Variants in MEF2A observed in about 807,000 individuals in gnomAD.
MEF2A encodes the protein myocyte enhancer factor 2A, also known as myocyte-specific enhancer factor 2A.
In MEF2A, 28 loss-of-function variants were observed where a neutral mutation model predicts 55.8. That is an observed-to-expected ratio of 0.50 (90% CI 0.37 to 0.69). The LOEUF (loss-of-function observed/expected upper bound fraction) is 0.69, where lower values mean the gene tolerates loss of function less well. MEF2A is among the 30% of genes least tolerant of loss of function. MEF2A has a pLI of 0.00. For missense variants in MEF2A, 528 were observed against 626.2 expected, an observed-to-expected ratio of 0.84 and a Z score of 1.67; for synonymous variants, 239 against 227.1, an observed-to-expected ratio of 1.05 and a Z score of -0.47.
At chr15:99,594,459 C>CTTTTT (rs67846200) in intron 1 of MEF2A, among the ~76,000 whole-genome samples, 3 of 124,372 alleles carry the variant, frequency 2.4e-5, no homozygotes, top group South Asian at 2.4e-4. Flanking sequence ...TCCTTTCTTT[C>CTTTTT]TTTTTTTTTT....
chr15:99,622,947 G>C (rs574529071), intron 2 of MEF2A, among the ~76,000 whole-genome samples: 1 of 151,786 alleles, frequency 6.6e-6, no homozygotes, highest in Non-Finnish European at 1.5e-5. Flanking sequence ...TGATCCACCC[G>C]CCTCGGCCTC....
intron 3 of MEF2A, among the ~76,000 whole-genome samples, chr15:99,642,521 GT>G (rs1567302631): frequency 1.3e-5 from 2 of 151,788 alleles, no homozygotes; most frequent in East Asian, 3.9e-4. Flanking sequence ...AAAAATCTCT[GT>G]TATGATTTGA....
intron 8 of MEF2A, among the ~76,000 whole-genome samples, chr15:99,702,444 T>G (rs1247475880): frequency 6.6e-6 from 1 of 151,390 alleles, no homozygotes; most frequent in African/African-American, 2.4e-5. Context: ...TTTTTTTTTT[T>G]TTGGACGGAG....
chr15:99,693,649 C>T (rs1255751783), intron 8 of MEF2A, among the ~76,000 whole-genome samples: 1 of 152,070 alleles, frequency 6.6e-6, no homozygotes, highest in East Asian at 1.9e-4. Flanking sequence ...AATTCTCTAC[C>T]CACCAAAAAT....
intron 4 of MEF2A, among the ~76,000 whole-genome samples, chr15:99,646,817 C>T (rs1478409499): frequency 6.6e-6 from 1 of 152,054 alleles, no homozygotes; most frequent in East Asian, 1.9e-4. Context: ...GTGATTGATA[C>T]CATTACTACA....
intron 4 of MEF2A, among the ~76,000 whole-genome samples, chr15:99,663,331 T>C (rs1441001487): frequency 2.0e-5 from 3 of 152,192 alleles, no homozygotes; most frequent in African/African-American, 7.2e-5. Flanking sequence ...TATAGTAATA[T>C]GCATTTGTGC....
chr15:99,688,438 G>A (rs1314255713), intron 7 of MEF2A, among the ~76,000 whole-genome samples: 1 of 152,082 alleles, frequency 6.6e-6, no homozygotes, highest in Non-Finnish European at 1.5e-5. Flanking sequence ...CCTCATTCTG[G>A]CCTTCTTCTG....
chr15:99,607,553 G>A (rs1387667127), intron 2 of MEF2A, among the ~76,000 whole-genome samples: 1 of 152,082 alleles, frequency 6.6e-6, no homozygotes, highest in African/African-American at 2.4e-5. Context: ...CTTTTTGTAT[G>A]ATTTAATTAT....
At chr15:99,633,827 T>C (rs1162301501) in intron 3 of MEF2A, among the ~76,000 whole-genome samples, 2 of 152,240 alleles carry the variant, frequency 1.3e-5, no homozygotes, top group Non-Finnish European at 2.9e-5. Flanking sequence ...GGGCTGGCCA[T>C]CTGTTATTGT....
At chr15:99,666,535 TAACA>T (rs1259938153) in intron 4 of MEF2A, among the ~76,000 whole-genome samples, 42 of 150,504 alleles carry the variant, frequency 2.8e-4, no homozygotes, top group Admixed American at 2.3e-3. Context: ...TATACCTGTG[TAACA>T]AACCTGCACG....
chr15:99,645,207 C>G (rs188911337), intron 3 of MEF2A, among the ~76,000 whole-genome samples: 2 of 152,264 alleles, frequency 1.3e-5, no homozygotes, highest in Admixed American at 6.5e-5. Flanking sequence ...CTGGCTGATG[C>G]TACATTACCT....
intron 1 of MEF2A, among the ~76,000 whole-genome samples, chr15:99,585,764 C>G (rs533079650): frequency 2.0e-5 from 3 of 152,184 alleles, no homozygotes; most frequent in Non-Finnish European, 4.4e-5. Flanking sequence ...GATGAGGAAA[C>G]AGACTCAAAC....
chr15:99,616,665 A>G lies in MEF2A; in HGVS notation c.-142-16313A>G, dbSNP rs115109641. Among the ~76,000 whole-genome samples, 746 of 151,942 alleles carry G rather than the reference A, an allele frequency of 4.9e-3. 5 individuals carry two copies. Among genetic ancestry groups the G allele is most frequent in the African/African-American group, 0.017 (696 of 41,524 alleles). The stretch of plus-strand genomic sequence containing the variant: ...TTTGCAGAGAGATTTAGTCTTAGGT[A>G]TATACTAAAATAAATATATATATAT... On this transcript the variant is annotated intron_variant, in intron 2 of 11. Coordinates refer to ENST00000557942, the MANE Select transcript of MEF2A (RefSeq NM_001319206.4).
chr15:99,683,756 A>G (rs1236640283), intron 7 of MEF2A, among the ~76,000 whole-genome samples: 1 of 151,672 alleles, frequency 6.6e-6, no homozygotes, highest in Non-Finnish European at 1.5e-5. Context: ...TTGGGGGAAC[A>G]AGTGGTGTTT....
Position 99,606,313 on chromosome 15 carries a change from A to T in MEF2A, c.-143+7802A>T, listed in dbSNP as rs373146498. 1.4e-4 allele frequency among the ~76,000 whole-genome samples: 22 copies of T among 152,304 alleles called. 1 individual carries two copies. Among genetic ancestry groups the T allele is most frequent in the Admixed American group, 5.2e-4 (8 of 15,298 alleles). On this transcript the variant is annotated intron_variant, in intron 2 of 11. Transcript: ENST00000557942. ...CTTTTGGAAGCTAATATAGATGAACAGGTTCATGCTCTTTGGCCAGGAAAA... is the reference window on the plus strand; with the variant it reads ...CTTTTGGAAGCTAATATAGATGAACTGGTTCATGCTCTTTGGCCAGGAAAA...
chr15:99,706,958 T>C, intron 10 of MEF2A, 103 bp downstream of exon 10: 2 of 1,324,844 alleles, frequency 1.5e-6, no homozygotes, highest in Middle Eastern at 1.9e-4. Flanking sequence ...AAATAAACTA[T>C]TTCCAGTTTT....
chr15:99,593,336 A>G (rs1370286568), intron 1 of MEF2A, among the ~76,000 whole-genome samples: 1 of 152,098 alleles, frequency 6.6e-6, no homozygotes, highest in Non-Finnish European at 1.5e-5. Context: ...CCCTTTTTCC[A>G]GGCCTCACAG....
chr15:99,635,024 G>T (rs1298323360), intron 3 of MEF2A, among the ~76,000 whole-genome samples: 1 of 152,164 alleles, frequency 6.6e-6, no homozygotes, highest in African/African-American at 2.4e-5. Flanking sequence ...GAGAAAAACT[G>T]TATCTTTGCA....
intron 3 of MEF2A, among the ~76,000 whole-genome samples, chr15:99,640,699 G>T (rs964541135): frequency 6.6e-6 from 1 of 151,556 alleles, no homozygotes; most frequent in Non-Finnish European, 1.5e-5. Context: ...ATGGGTATGC[G>T]CACCATGCCT....
Sources: gnomAD v4.1 joint callset for allele counts (sites outside exome capture counted in the v4.1 genomes callset) on GRCh38, gnomAD v4.1.1 for gene constraint, MANE v1.5 for transcripts, NCBI Gene and HGNC (gene_info 2026-07-23, HGNC 2026-07-21) for gene names.